The following TIMM44 variants were observed in gnomAD, a reference collection of about 807,000 sequenced individuals.
The protein encoded by TIMM44 is translocase of inner mitochondrial membrane 44, also known as mitochondrial import inner membrane translocase subunit TIM44.
A neutral mutation model predicts 63.8 loss-of-function variants in TIMM44; 37 were observed. The ratio of observed to expected loss-of-function variants is 0.58; its 90% CI spans 0.45 to 0.76. The LOEUF is 0.76. TIMM44 is among the 30% of genes least tolerant of loss of function. TIMM44 has a pLI of 0.00. For synonymous variants in TIMM44, 239 were observed against 245.1 expected, an observed-to-expected ratio of 0.98 and a Z score of 0.23; for missense variants, 573 against 603.8, an observed-to-expected ratio of 0.95 and a Z score of 0.54.
chr19:7,942,246 T>C (rs916718589), intron 1 of TIMM44, among the ~76,000 whole-genome samples: 9 of 152,094 alleles, frequency 5.9e-5, no homozygotes, highest in African/African-American at 1.9e-4. Flanking sequence ...ACCTGTAGTA[T>C]TGCTTAAACC....
In TIMM44 at chr19:7,928,355, A is replaced by G. The variant is rs1267639702; in HGVS notation, c.1039-189T>C. 10 of 595,632 alleles carry G rather than the reference A, an allele frequency of 1.7e-5. No individual in the cohort carries two copies. In the East Asian group the frequency reaches 2.8e-4, roughly 17 times the overall value. 36.9% of individuals were successfully genotyped at this position (595,632 alleles called of 1,614,324 possible). On this transcript the variant is annotated intron_variant, in intron 10 of 12. Coordinates refer to ENST00000270538, the MANE Select transcript of TIMM44 (RefSeq NM_006351.4). ...TACTGGCCCAGATCACACGCTTCCCACTCCTGGGAACAACACTCTATCCAG... is the reference window on the plus strand; with the variant it reads ...TACTGGCCCAGATCACACGCTTCCCGCTCCTGGGAACAACACTCTATCCAG...
intron 2 of TIMM44, among the ~76,000 whole-genome samples, chr19:7,939,101 A>T (rs1984231952): frequency 6.6e-6 from 1 of 152,140 alleles, no homozygotes; most frequent in Admixed American, 6.5e-5. Flanking sequence ...ATCACAGAGA[A>T]TGTACACCAC....
chr19:7,928,177 A>G lies in TIMM44; in HGVS notation c.1039-11T>C. ...CAGCTGGCTGTAAGTCTGCAATGAG[A>G]GGCCGACACGCCTGCGTGATGCCAC... On this transcript the variant is annotated splice_polypyrimidine_tract_variant and intron_variant, in intron 10 of 12. Coordinates refer to ENST00000270538, the MANE Select transcript of TIMM44 (RefSeq NM_006351.4). 3 of 1,611,804 alleles carry G rather than the reference A, an allele frequency of 1.9e-6. No homozygotes were observed. Among genetic ancestry groups the G allele is most frequent in the Non-Finnish European group, 1.7e-6 (2 of 1,178,778 alleles).
chr19:7,936,147 C>T, intron 3 of TIMM44, among the ~76,000 whole-genome samples: 1 of 150,232 alleles, frequency 6.7e-6, no homozygotes, highest in Non-Finnish European at 1.5e-5. Context: ...AGAGCAAGAC[C>T]CTGTCTCAAA....
rs1984101453 is a variant in TIMM44 at position 7,934,951 on chromosome 19, T to G, written c.393+114A>C. On this transcript the variant is annotated intron_variant, in intron 4 of 12. Transcript: ENST00000270538. This position sits in a 1 kb window ranked among gnomAD's most constrained non-coding sequence, Gnocchi z 5.3. ...TTCCCGAGGGTGGCAGCACGCCCCA[T>G]GCCACCCACTGCTGCCAAGCCACCC... 1.1e-6 allele frequency: 1 copy of G among 932,370 alleles called. No individual in the cohort carries two copies. Among genetic ancestry groups the G allele is most frequent in the Non-Finnish European group, 1.7e-6 (1 of 587,796 alleles). The allele number at this position is 932,370 out of a possible 1,614,324, so 57.8% of individuals were successfully genotyped here.
chr19:7,936,077 A>T (rs968154873), intron 3 of TIMM44, among the ~76,000 whole-genome samples: 2 of 152,122 alleles, frequency 1.3e-5, no homozygotes, highest in Admixed American at 1.3e-4. Context: ...TCACCTGAAC[A>T]TGGGAAGGTC....
At chr19:7,927,370 G>A (rs578196291) in intron 12 of TIMM44, 64 bp from the exon 13 acceptor site, 10 of 1,588,386 alleles carry the variant, frequency 6.3e-6, no homozygotes, top group Admixed American at 3.3e-5. Context: ...GCTCTGGGGG[G>A]GGGCCAGGCT....
In TIMM44 at chr19:7,933,486, G is replaced by C. The variant is rs762005468; in HGVS notation, c.768C>G (p.Asn256Lys). ...KDFKENNVVF[N>K]RFFEMKMKYD... ...GCCCTCCAAGACACCTTCACTCACG[G>C]TTAAACACCACGTTGTTCTCCTTGA... The change falls in exon 7 of 13, where the codon AAC becomes AAG. Residue 256 changes from asparagine to lysine, a missense_variant and splice_region_variant. Physicochemically the swap from Asn to Lys is moderately conservative, Grantham distance 94. Coordinates refer to ENST00000270538, the MANE Select transcript of TIMM44 (RefSeq NM_006351.4). The surrounding 1 kb of genome is among the most constrained non-coding windows in gnomAD (Gnocchi z 4.3). 4 of 1,613,820 alleles carry C rather than the reference G, an allele frequency of 2.5e-6. 1 individual carries two copies. The highest frequency in any genetic ancestry group is 3.3e-4 in the Middle Eastern group (2 of 6,084).
chr19:7,934,250 GAC>G lies in TIMM44; in HGVS notation c.394-14_394-13del. On this transcript the variant is annotated splice_polypyrimidine_tract_variant and intron_variant, in intron 4 of 12. Transcript: ENST00000270538. This position sits in a 1 kb window ranked among gnomAD's most constrained non-coding sequence, Gnocchi z 5.3. ...ACTTCGTGAAGGCTCTACTGAGACA[GAC>G]ACAGAGAGGGGGCGTTGGCACCGGC... is the stretch of plus-strand genomic sequence containing the variant. The G allele has an allele frequency of 6.2e-7, 1 of 1,610,612 alleles. No individual in the cohort carries two copies. The highest frequency in any genetic ancestry group is 2.2e-5 in the East Asian group (1 of 44,880).
chr19:7,935,425 A>C (rs1483231083), intron 3 of TIMM44, among the ~76,000 whole-genome samples: 2 of 152,072 alleles, frequency 1.3e-5, no homozygotes, highest in Non-Finnish European at 2.9e-5. Flanking sequence ...TCGGCCTCCC[A>C]AAGTGCTGGG....
intron 12 of TIMM44, 150 bp from the exon 13 acceptor site, chr19:7,927,456 C>T: frequency 9.1e-7 from 1 of 1,103,086 alleles, no homozygotes; most frequent in Non-Finnish European, 1.4e-6. Context: ...GACTCAGGAA[C>T]CACTCAGCCT....
intron 9 of TIMM44, chr19:7,931,443 AG>A: frequency 1.9e-6 from 1 of 520,804 alleles, no homozygotes. Flanking sequence ...GGCACCCCAC[AG>A]GGGGACCCCC....
rs1984032879 is a variant in TIMM44 at position 7,933,018 on chromosome 19, C to A, written c.770-86G>T. 4.5e-6 allele frequency: 5 copies of A among 1,107,752 alleles called. No individual in the cohort carries two copies. Among genetic ancestry groups the A allele is most frequent in the Non-Finnish European group, 6.8e-6 (5 of 738,350 alleles). 68.6% of individuals were successfully genotyped at this position (1,107,752 alleles called of 1,614,324 possible). ...ACAGCTTCTAGAGGCTCCCTGTGAC[C>A]CCTGCGGGATCCACCCTGACACGGG... On this transcript the variant is annotated intron_variant, in intron 7 of 12. Transcript: ENST00000270538. The surrounding 1 kb of genome is among the most constrained non-coding windows in gnomAD (Gnocchi z 4.3).
chr19:7,927,835 C>G, intron 11 of TIMM44, 68 bp from the exon 12 acceptor site: 2 of 1,512,568 alleles, frequency 1.3e-6, no homozygotes, highest in Non-Finnish European at 9.1e-7. Flanking sequence ...GAGGTGAAAC[C>G]CCTGCGCCTA....
At chr19:7,935,810 C>T (rs1376829829) in intron 3 of TIMM44, among the ~76,000 whole-genome samples, 1 of 152,174 alleles carries the variant, frequency 6.6e-6, no homozygotes, top group African/African-American at 2.4e-5. Context: ...ATGTCTCCCG[C>T]TCCATCCATC....
At chr19:7,942,133 G>A (rs913829840) in intron 1 of TIMM44, among the ~76,000 whole-genome samples, 2 of 152,170 alleles carry the variant, frequency 1.3e-5, no homozygotes, top group Non-Finnish European at 2.9e-5. Context: ...AGGATCACCC[G>A]GTCAGGAGTT....
rs1328400360 is a variant in TIMM44 at position 7,938,214 on chromosome 19, A to G, written c.142-17T>C. ...TGATTTGGACTAGAAAGAATGTACA[A>G]GAAAAAAAATTTAAAGAACATAGTA... is the stretch of plus-strand genomic sequence containing the variant. On this transcript the variant is annotated splice_polypyrimidine_tract_variant and intron_variant, in intron 2 of 12. Coordinates refer to ENST00000270538, the MANE Select transcript of TIMM44 (RefSeq NM_006351.4). The G allele has an allele frequency of 6.2e-7, 1 of 1,607,270 alleles. No homozygotes were observed. Among genetic ancestry groups the G allele is most frequent in the Non-Finnish European group, 8.5e-7 (1 of 1,176,940 alleles).
rs201390882 is a variant in TIMM44, at chr19:7,935,054, G to C, written c.393+11C>G. ...GGCCCCAGCGGCTCCAGGCGGGCGT[G>C]GAACTGTTACCTCCTTCACGGTGCC... On this transcript the variant is annotated intron_variant, in intron 4 of 12. Transcript: ENST00000270538. 1.6e-5 allele frequency: 26 copies of C among 1,610,890 alleles called. No homozygotes were observed. Among genetic ancestry groups the C allele is most frequent in the Non-Finnish European group, 2.2e-5 (26 of 1,178,524 alleles).
chr19:7,938,793 C>A (rs545855211), intron 2 of TIMM44, among the ~76,000 whole-genome samples: 1 of 151,778 alleles, frequency 6.6e-6, no homozygotes, highest in Non-Finnish European at 1.5e-5. Context: ...GGTGACAGAG[C>A]GAGACTCCAT....
Sources: allele counts gnomAD v4.1 joint callset (sites outside exome capture counted in the v4.1 genomes callset), GRCh38; gene constraint gnomAD v4.1.1; non-coding constraint Gnocchi (gnomAD v3.1); transcripts MANE v1.5; gene names NCBI Gene and HGNC (gene_info 2026-07-23, HGNC 2026-07-21).